The following EXOC6B variants were observed in gnomAD, a reference collection of about 807,000 sequenced individuals.
EXOC6B encodes exocyst complex component 6B.
A neutral mutation model predicts 113.5 loss-of-function variants in EXOC6B; 54 were observed. The ratio of observed to expected loss-of-function variants is 0.48; its 90% CI spans 0.38 to 0.60. The LOEUF (loss-of-function observed/expected upper bound fraction) is 0.60, where lower values mean the gene tolerates loss of function less well. Among genes scored for constraint, EXOC6B ranks in the 20% least tolerant of loss-of-function variants. The pLI is 0.00. For missense variants in EXOC6B, 797 were observed against 977.5 expected, an observed-to-expected ratio of 0.82 and a Z score of 2.46; for synonymous variants, 357 against 339.0, an observed-to-expected ratio of 1.05 and a Z score of -0.58.
chr2:72,713,299 C>CT (rs1459865415), intron 6 of EXOC6B, among the ~76,000 whole-genome samples: 3 of 152,132 alleles, frequency 2.0e-5, no homozygotes, highest in African/African-American at 7.2e-5. Flanking sequence ...CCCAGACCAA[C>CT]TGTCAATATT....
chr2:72,335,153 C>A, intron 19 of EXOC6B, 133 bp from the exon 20 acceptor site: 1 of 727,138 alleles, frequency 1.4e-6, no homozygotes, highest in South Asian at 1.7e-5. Flanking sequence ...ATGTCTCTCT[C>A]CCTTCAGCTT....
chr2:72,495,139 T>C (rs1036429184), intron 15 of EXOC6B, among the ~76,000 whole-genome samples: 13 of 152,110 alleles, frequency 8.5e-5, no homozygotes, highest in African/African-American at 2.9e-4. Flanking sequence ...ATTACAAAAA[T>C]GAGCCACTGC....
At chr2:72,716,182 G>A (rs989761594) in intron 6 of EXOC6B, among the ~76,000 whole-genome samples, 4 of 152,096 alleles carry the variant, frequency 2.6e-5, no homozygotes, top group Non-Finnish European at 5.9e-5. Flanking sequence ...AACACTCTTT[G>A]GTCTTTCCCC....
At chr2:72,402,541 C>T (rs949591008) in intron 18 of EXOC6B, among the ~76,000 whole-genome samples, 1 of 152,140 alleles carries the variant, frequency 6.6e-6, no homozygotes, top group Non-Finnish European at 1.5e-5. Flanking sequence ...CTAGTTGTAA[C>T]AAATTCCCTC....
At chr2:72,319,121 T>G (rs923623641) in intron 20 of EXOC6B, among the ~76,000 whole-genome samples, 2 of 151,842 alleles carry the variant, frequency 1.3e-5, no homozygotes, top group Non-Finnish European at 2.9e-5. Flanking sequence ...TATAATAATT[T>G]AAATATAAAA....
In EXOC6B at chr2:72,618,242, G is replaced by A. The variant is rs1467399716; in HGVS notation, c.670-42574C>T. On this transcript the variant is annotated intron_variant, in intron 6 of 21. Coordinates refer to ENST00000272427, the MANE Select transcript of EXOC6B (RefSeq NM_015189.3). ...AAATTAGCTGGACTTGGTGGCAGAT[G>A]CCTGTAATCTCAGCCACTTGGGAGG... 2.0e-5 allele frequency among the ~76,000 whole-genome samples: 3 copies of A among 152,076 alleles called. 1 individual carries two copies. The East Asian group carries it at 5.8e-4, about 29-fold the overall frequency.
intron 6 of EXOC6B, among the ~76,000 whole-genome samples, chr2:72,628,089 A>G (rs1672170512): frequency 6.6e-6 from 1 of 152,066 alleles, no homozygotes; most frequent in East Asian, 1.9e-4. Context: ...GTTTTTATAG[A>G]GATGCTTTTG....
At position 72,462,350 on chromosome 2, in the gene EXOC6B, T is replaced by C. The variant is rs189143906; in HGVS notation, c.1980+2810A>G. 1.8e-4 allele frequency: 28 copies of C among 152,276 alleles called. No homozygotes were observed. In the East Asian group the frequency reaches 5.2e-3, roughly 28 times the overall value. 9.4% of individuals were successfully genotyped at this position (152,276 alleles called of 1,614,324 possible). A position where few individuals can be genotyped will look rare whatever the true frequency, so the allele number is the denominator to read the frequency against. ...TTGGTCTTAATGAATTTTTAGTATG[T>C]TCTATTTAGATAATAATAACCTATG... is the stretch of plus-strand genomic sequence containing the variant. On this transcript the variant is annotated intron_variant, in intron 18 of 21. Coordinates refer to ENST00000272427, the MANE Select transcript of EXOC6B (RefSeq NM_015189.3).
At chr2:72,194,552 T>C (rs956192291) in intron 20 of EXOC6B, among the ~76,000 whole-genome samples, 1 of 147,200 alleles carries the variant, frequency 6.8e-6, no homozygotes, top group African/African-American at 2.6e-5. Context: ...CTGCTCCCAA[T>C]TGCTTGGGTG....
intron 8 of EXOC6B, among the ~76,000 whole-genome samples, chr2:72,529,925 G>T (rs561232527): frequency 6.6e-6 from 1 of 152,286 alleles, no homozygotes; most frequent in Non-Finnish European, 1.5e-5. Context: ...GTTGTTCACA[G>T]TGTTCTCTTA....
chr2:72,716,932 T>C (rs531232071), intron 6 of EXOC6B, among the ~76,000 whole-genome samples: 1 of 152,194 alleles, frequency 6.6e-6, no homozygotes, highest in Non-Finnish European at 1.5e-5. Flanking sequence ...TAGGAAAAAC[T>C]GAACCAATCA....
intron 20 of EXOC6B, among the ~76,000 whole-genome samples, chr2:72,219,260 G>T (rs1680721868): frequency 6.6e-6 from 1 of 151,962 alleles, no homozygotes; most frequent in Admixed American, 6.6e-5. Context: ...TCAGACAGTG[G>T]CAAGAGGGAG....
At chr2:72,559,870 C>T (rs151204599) in intron 7 of EXOC6B, among the ~76,000 whole-genome samples, 1,787 of 152,182 alleles carry the variant, frequency 0.012, 11 homozygotes, top group Middle Eastern at 0.027. Flanking sequence ...CCTTTCATGA[C>T]GACTTTGATT....
At chr2:72,683,456 G>A (rs1676858873) in intron 6 of EXOC6B, among the ~76,000 whole-genome samples, 1 of 152,086 alleles carries the variant, frequency 6.6e-6, no homozygotes, top group African/African-American at 2.4e-5. Flanking sequence ...TAATTTGTAT[G>A]CATAGTTCAA....
In EXOC6B at chr2:72,633,465, T is replaced by A. The variant is rs150024181; in HGVS notation, c.670-57797A>T. 4.6e-4 allele frequency among the ~76,000 whole-genome samples: 70 copies of A among 152,238 alleles called. 2 individuals are homozygous for A. The highest frequency in any genetic ancestry group is 3.4e-3 in the Middle Eastern group (1 of 294). ...AATATCACTTCCCCCATGCCCTATA[T>A]CCATCAAGATTTTGATGCCTCAGAG... is the stretch of plus-strand genomic sequence containing the variant. On this transcript the variant is annotated intron_variant, in intron 6 of 21. Coordinates refer to ENST00000272427, the MANE Select transcript of EXOC6B (RefSeq NM_015189.3).
At chr2:72,631,453 TATATATATA>T (rs1672437199) in intron 6 of EXOC6B, among the ~76,000 whole-genome samples, 3 of 33,968 alleles carry the variant, frequency 8.8e-5, no homozygotes, top group African/African-American at 3.2e-4. Flanking sequence ...TATATATATA[TATATATATA>T]GAGAGAGAGA....
At chr2:72,335,335 G>A (rs1688633451) in intron 19 of EXOC6B, 1 of 212,392 alleles carries the variant, frequency 4.7e-6, no homozygotes, top group Non-Finnish European at 9.3e-6. Context: ...GGGAGTGGGG[G>A]AGAGAAAAAA....
chr2:72,389,319 C>T (rs150405193), intron 18 of EXOC6B, among the ~76,000 whole-genome samples: 112 of 151,890 alleles, frequency 7.4e-4, no homozygotes, highest in Non-Finnish European at 1.4e-3. Flanking sequence ...TATATAAAAA[C>T]AGTATTCTTG....
chr2:72,720,057 T>C (rs1287872936), intron 5 of EXOC6B, among the ~76,000 whole-genome samples: 1 of 152,118 alleles, frequency 6.6e-6, no homozygotes, highest in African/African-American at 2.4e-5. Flanking sequence ...GCTATATATT[T>C]ACCAAATTTA....
Sources: allele counts gnomAD v4.1 joint callset (sites outside exome capture counted in the v4.1 genomes callset), GRCh38; gene constraint gnomAD v4.1.1; transcripts MANE v1.5; gene names NCBI Gene and HGNC (gene_info 2026-07-23, HGNC 2026-07-21).